VASP: variants seen among roughly 807,000 people sequenced by gnomAD.
The protein encoded by VASP is vasodilator-stimulated phosphoprotein.
Under a neutral mutation model 54.4 loss-of-function variants are expected in VASP, and 27 were observed. The observed-to-expected ratio is 0.50, with a 90% CI of 0.37 to 0.68. The LOEUF (loss-of-function observed/expected upper bound fraction) is 0.68. Ranked by LOEUF, VASP falls within the 30% of genes least tolerant of loss-of-function variation. VASP has a pLI of 0.00. For synonymous variants in VASP, 233 were observed against 209.8 expected (o/e 1.11, Z -0.96); for missense variants, 488 against 528.3 (o/e 0.92, Z 0.75).
In VASP at chr19:45,524,129, A is replaced by G. The variant is rs767920651; in HGVS notation, c.943A>G (p.Thr315Ala). 1.9e-6 allele frequency: 3 copies of G among 1,613,740 alleles called. No individual in the cohort carries two copies. In the South Asian group the frequency reaches 3.3e-5, roughly 18 times the overall value. Reference sequence around the variant, plus strand: ...GCGGAGACCCTGGGAGAAGAACAGCACAACCTTGCCAAGGTAGGCCATCGG... The same window carrying G: ...GCGGAGACCCTGGGAGAAGAACAGCGCAACCTTGCCAAGGTAGGCCATCGG... ...SVRRPWEKNS[T>A]TLPRMKSSSS... Residue 315 changes from threonine to alanine, a missense_variant, in exon 10 of 13, where the codon ACA becomes GCA. Coordinates refer to ENST00000245932, the MANE Select transcript of VASP (RefSeq NM_003370.4).
chr19:45,525,807 T>C, intron 11 of VASP, 139 bp from the exon 12 acceptor site: 1 of 767,210 alleles, frequency 1.3e-6, no homozygotes. Context: ...AAGTTGAGGC[T>C]GCAATGAGCT....
chr19:45,522,246 G>A (rs760955383), intron 5 of VASP, 29 bp downstream of exon 5: 3 of 1,614,098 alleles, frequency 1.9e-6, no homozygotes, highest in Non-Finnish European at 2.5e-6. Flanking sequence ...CGGGAGTTGG[G>A]AGGGGGCCTC....
chr19:45,523,190 ATTTTTTTTTTTTTTT>A (rs61288703), intron 7 of VASP, among the ~76,000 whole-genome samples: 125 of 74,738 alleles, frequency 1.7e-3, no homozygotes, highest in African/African-American at 6.5e-3. Context: ...AATCTCTTGA[ATTTTTTTTTTTTTTT>A]TTTTTTTTTT....
intron 1 of VASP, among the ~76,000 whole-genome samples, chr19:45,513,162 G>A (rs564882271): frequency 9.2e-5 from 14 of 152,284 alleles, no homozygotes; most frequent in Admixed American, 5.2e-4. Flanking sequence ...AGGGAAATTG[G>A]TGTCAAGCAC....
Position 45,519,908 on chromosome 19 carries a change from T to C in VASP, c.344-1414T>C, listed in dbSNP as rs1454991739. 3.4e-3 allele frequency among the ~76,000 whole-genome samples: 418 copies of C among 121,952 alleles called. 6 individuals carry two copies. Among genetic ancestry groups the C allele is most frequent in the African/African-American group, 0.013 (377 of 29,522 alleles). 80.0% of individuals were successfully genotyped at this position (121,952 alleles called of 152,430 possible). A position where few individuals can be genotyped will look rare whatever the true frequency, so the allele number is the denominator to read the frequency against. On this transcript the variant is annotated intron_variant, in intron 3 of 12. Coordinates refer to ENST00000245932, the MANE Select transcript of VASP (RefSeq NM_003370.4). ...CTGCGCCCGGCCTTTTTTTTTTTTTTTTTTTTTTTTTTTTAATATGGAGTC... is the reference window on the plus strand; with the variant it reads ...CTGCGCCCGGCCTTTTTTTTTTTTTCTTTTTTTTTTTTTTAATATGGAGTC...
chr19:45,524,704 G>T (rs746329998), intron 11 of VASP, 44 bp downstream of exon 11: 1 of 1,586,396 alleles, frequency 6.3e-7, no homozygotes, highest in Non-Finnish European at 8.6e-7. Flanking sequence ...GAGAGATCTA[G>T]GTCTGGCCCC....
chr19:45,522,069 C>G, intron 4 of VASP, 99 bp from the exon 5 acceptor site: 1 of 1,549,450 alleles, frequency 6.5e-7, no homozygotes, highest in Admixed American at 1.7e-5. Flanking sequence ...GAGCCAGCCA[C>G]CCTGGAGACC....
rs746271850 is a variant in VASP, at chr19:45,521,303, T to C, written c.344-19T>C. On this transcript the variant is annotated intron_variant, in intron 3 of 12. Coordinates refer to ENST00000245932, the MANE Select transcript of VASP (RefSeq NM_003370.4). ...GAGTTCTGGGACTGATCCATGGCCC[T>C]TTCTCTCTCACCTTTCAGGAGGTGG... The C allele has an allele frequency of 3.8e-6, 6 of 1,561,748 alleles. No individual in the cohort carries two copies. The African/African-American group carries it at 8.1e-5, about 21-fold the overall frequency.
chr19:45,525,723 C>A (rs1484488915), intron 11 of VASP: 2 of 463,222 alleles, frequency 4.3e-6, no homozygotes, highest in Non-Finnish European at 7.8e-6. Context: ...GAAAAAGTTA[C>A]CTGATTGTGG....
In VASP at chr19:45,517,572, T is replaced by C. The variant is rs1013693391; in HGVS notation, c.6-91T>C. The C allele has an allele frequency of 2.6e-6, 4 of 1,511,584 alleles. No homozygotes were observed. The African/African-American group carries it at 5.5e-5, about 21-fold the overall frequency. 93.6% of individuals were successfully genotyped at this position (1,511,584 alleles called of 1,614,324 possible). On this transcript the variant is annotated intron_variant, in intron 1 of 12. Coordinates refer to ENST00000245932, the MANE Select transcript of VASP (RefSeq NM_003370.4). ...GCCTCCCTCTGTGTCACTCTCTTCC[T>C]TCCACACACTGTCTTTGTCCCTTGG...
Position 45,517,786 on chromosome 19 carries a change from G to A in VASP, c.129G>A (p.Thr43=), listed in dbSNP as rs200633127. The change falls in exon 2 of 13, where the codon ACG becomes ACA. Residue 43 remains threonine, a synonymous_variant. Transcript: ENST00000245932. ...GCGTCCAGATCTACCACAACCCCAC[G>A]GCCAATTCCTTTCGCGTCGTGGGCC... ...FSRVQIYHNP[T]ANSFRVVGRK... 4.4e-5 allele frequency: 71 copies of A among 1,613,832 alleles called. No individual in the cohort carries two copies. In the East Asian group the frequency reaches 9.8e-4, roughly 22 times the overall value.
intron 3 of VASP, among the ~76,000 whole-genome samples, chr19:45,519,894 CTTTT>C (rs57892194): frequency 0.011 from 569 of 50,946 alleles, 7 homozygotes; most frequent in African/African-American, 0.044. Context: ...TGCGCCCGGC[CTTTT>C]TTTTTTTTTT....
chr19:45,521,760 C>T (rs1968839511), intron 4 of VASP, among the ~76,000 whole-genome samples: 5 of 152,162 alleles, frequency 3.3e-5, no homozygotes, highest in Admixed American at 2.0e-4. Flanking sequence ...CATGGTGGCG[C>T]CCGTGCCTGT....
intron 1 of VASP, among the ~76,000 whole-genome samples, chr19:45,515,756 T>C (rs1968689215): frequency 1.3e-5 from 2 of 152,084 alleles, no homozygotes; most frequent in South Asian, 4.1e-4. Flanking sequence ...CAGGCTGGTC[T>C]CGAACACCTG....
chr19:45,516,613 C>T (rs528087280), intron 1 of VASP, among the ~76,000 whole-genome samples: 1 of 152,316 alleles, frequency 6.6e-6, no homozygotes, highest in East Asian at 1.9e-4. Context: ...GCATTGGCCT[C>T]GGCCTCTTAC....
At chr19:45,509,339 C>T (rs1391268030) in intron 1 of VASP, among the ~76,000 whole-genome samples, 2 of 152,182 alleles carry the variant, frequency 1.3e-5, no homozygotes, top group Non-Finnish European at 2.9e-5. Context: ...TCTTCCTTCG[C>T]CCTCTTCCTC....
intron 1 of VASP, among the ~76,000 whole-genome samples, chr19:45,513,904 T>TTA (rs1968650483): frequency 6.6e-6 from 1 of 152,116 alleles, no homozygotes; most frequent in African/African-American, 2.4e-5. Context: ...AACTATTGAG[T>TTA]CCCTACTATG....
intron 3 of VASP, 102 bp from the exon 4 acceptor site, chr19:45,521,220 C>A: frequency 1.6e-6 from 2 of 1,220,340 alleles, no homozygotes; most frequent in Admixed American, 4.0e-5. Flanking sequence ...AAGTGAGCGC[C>A]TCTGGGCAGG....
At chr19:45,517,166 T>A (rs977050131) in intron 1 of VASP, among the ~76,000 whole-genome samples, 7 of 150,244 alleles carry the variant, frequency 4.7e-5, no homozygotes, top group African/African-American at 9.8e-5. Flanking sequence ...TAATAATAAT[T>A]ATTATTATTA....
Sources: gnomAD v4.1 joint callset for allele counts (sites outside exome capture counted in the v4.1 genomes callset) on GRCh38, gnomAD v4.1.1 for gene constraint, MANE v1.5 for transcripts, NCBI Gene and HGNC (gene_info 2026-07-23, HGNC 2026-07-21) for gene names.